The following MRPL35 variants were observed in gnomAD, a reference collection of about 807,000 sequenced individuals.
MRPL35 encodes large ribosomal subunit protein bL35m.
Under a neutral mutation model 21.6 loss-of-function variants are expected in MRPL35, and 18 were observed. The ratio of observed to expected loss-of-function variants is 0.83; its 90% CI spans 0.58 to 1.24. MRPL35 has a LOEUF of 1.24. MRPL35 is among the 50% of genes most tolerant of loss of function. The probability of loss-of-function intolerance (pLI) is 0.00; values close to 1 mark genes in which losing one functional copy is unlikely to be tolerated. For synonymous variants in MRPL35, 87 were observed against 86.9 expected (o/e 1.00, Z -0.01); for missense variants, 223 against 223.2 (o/e 1.00, Z 0.01).
At position 86,211,474 on chromosome 2, in the gene MRPL35, A is replaced by G; in HGVS notation, c.*806A>G. The G allele has an allele frequency of 1.0e-6, 1 of 985,404 alleles. No individual in the cohort carries two copies. The highest frequency in any genetic ancestry group is 1.2e-6 in the Non-Finnish European group (1 of 829,928). 61.0% of individuals were successfully genotyped at this position (985,404 alleles called of 1,614,324 possible). Reference sequence around the variant, plus strand: ...AAAAAACAGTTATGTGAGCAGTTTCACTTGGAGGTTCACATGGGGTGGCAG... The same window carrying G: ...AAAAAACAGTTATGTGAGCAGTTTCGCTTGGAGGTTCACATGGGGTGGCAG... On this transcript the variant is annotated 3_prime_UTR_variant, in exon 4 of 4. Coordinates refer to ENST00000337109, the MANE Select transcript of MRPL35 (RefSeq NM_016622.4).
chr2:86,212,329 A>T lies in MRPL35; in HGVS notation c.*1661A>T. 6.4e-7 allele frequency: 1 copy of T among 1,568,224 alleles called. No individual in the cohort carries two copies. The highest frequency in any genetic ancestry group is 8.7e-7 in the Non-Finnish European group (1 of 1,148,818). On this transcript the variant is annotated 3_prime_UTR_variant, in exon 4 of 4. Coordinates refer to ENST00000337109, the MANE Select transcript of MRPL35 (RefSeq NM_016622.4). The stretch of plus-strand genomic sequence containing the variant: ...GTGCGTGTCTACTTATGGGACCAAT[A>T]AATAAAGAACAGACATTTGATTTGA...
chr2:86,213,462 A>C lies in MRPL35; in HGVS notation c.*2794A>C. On this transcript the variant is annotated 3_prime_UTR_variant, in exon 4 of 4. Coordinates refer to ENST00000337109, the MANE Select transcript of MRPL35 (RefSeq NM_016622.4). ...GTCAAACATAGAATACAGGACTAAA[A>C]ATGCAAAGAAATTGGGTCTGTGTTT... is the stretch of plus-strand genomic sequence containing the variant. 1 of 1,331,888 alleles carries C rather than the reference A, an allele frequency of 7.5e-7. No homozygotes were observed. Among genetic ancestry groups the C allele is most frequent in the South Asian group, 2.2e-5 (1 of 44,492 alleles). The allele number at this position is 1,331,888 out of a possible 1,614,324, so 82.5% of individuals were successfully genotyped here. A position where few individuals can be genotyped will look rare whatever the true frequency, so the allele number is the denominator to read the frequency against.
Position 86,212,683 on chromosome 2 carries a change from A to T in MRPL35, c.*2015A>T, listed in dbSNP as rs553361073. 8.1e-7 allele frequency: 1 copy of T among 1,231,862 alleles called. No individual in the cohort carries two copies. The highest frequency in any genetic ancestry group is 4.2e-5 in the Admixed American group (1 of 23,592). 76.3% of individuals were successfully genotyped at this position (1,231,862 alleles called of 1,614,324 possible). A position where few individuals can be genotyped will look rare whatever the true frequency, so the allele number is the denominator to read the frequency against. ...GATAAGGACTGGCAACCAGAGCCTC[A>T]GCATCCAAAGATGGACTGAAGTGGG... On this transcript the variant is annotated 3_prime_UTR_variant, in exon 4 of 4. Transcript: ENST00000337109.
At position 86,211,563 on chromosome 2, in the gene MRPL35, C is replaced by T. The variant is rs755738209; in HGVS notation, c.*895C>T. The T allele has an allele frequency of 4.0e-5, 39 of 985,312 alleles. No homozygotes were observed. The highest frequency in any genetic ancestry group is 7.0e-5 in the African/African-American group (4 of 57,250). 61.0% of individuals were successfully genotyped at this position (985,312 alleles called of 1,614,324 possible). ...TAACACTTGTCATTTACTGTAACAA[C>T]ATTTTTTCATAGGAGAGTAAATAGC... is the stretch of plus-strand genomic sequence containing the variant. On this transcript the variant is annotated 3_prime_UTR_variant, in exon 4 of 4. Transcript: ENST00000337109.
At chr2:86,200,543 C>G (rs1468446569) in intron 1 of MRPL35, among the ~76,000 whole-genome samples, 2 of 152,184 alleles carry the variant, frequency 1.3e-5, no homozygotes, top group Non-Finnish European at 2.9e-5. Context: ...ATGTGCATCT[C>G]AAGAACATAG....
At position 86,205,591 on chromosome 2, in the gene MRPL35, C is replaced by CT. The variant is rs1673772908; in HGVS notation, c.44-513dup. On this transcript the variant is annotated intron_variant, in intron 1 of 3. Coordinates refer to ENST00000337109, the MANE Select transcript of MRPL35 (RefSeq NM_016622.4). ...ATTTGTTTCAGTCCCCATGCCTTTGCTTATGTTGTTCGTCCTACCTGAAAT... is the reference window on the plus strand; with the variant it reads ...ATTTGTTTCAGTCCCCATGCCTTTGCTTTATGTTGTTCGTCCTACCTGAAAT... Among the ~76,000 whole-genome samples, 3 of 152,204 alleles carry CT rather than the reference C, an allele frequency of 2.0e-5. 1 individual carries two copies. Among genetic ancestry groups the CT allele is most frequent in the Non-Finnish European group, 4.4e-5 (3 of 68,032 alleles).
upstream of MRPL35, chr2:86,199,456 T>G (rs771104573): frequency 1.2e-6 from 2 of 1,613,762 alleles, no homozygotes; most frequent in Admixed American, 1.7e-5. Context: ...CTTGTGCTTT[T>G]AAACCCAAAG....
chr2:86,201,818 C>T (rs1323631113), intron 1 of MRPL35, among the ~76,000 whole-genome samples: 5 of 152,164 alleles, frequency 3.3e-5, no homozygotes, highest in African/African-American at 1.2e-4. Context: ...TCCTCCACTC[C>T]CATCCAGTGC....
In MRPL35 at chr2:86,211,143, G is replaced by A; in HGVS notation, c.*475G>A. The stretch of plus-strand genomic sequence containing the variant: ...GGGGAAGGTGGATGTTTAGGCTTGG[G>A]CTCTGCATGCATGTGACTTGCTTCT... On this transcript the variant is annotated 3_prime_UTR_variant, in exon 4 of 4. Transcript: ENST00000337109. 4.1e-6 allele frequency: 4 copies of A among 986,474 alleles called. No homozygotes were observed. Among genetic ancestry groups the A allele is most frequent in the Non-Finnish European group, 4.8e-6 (4 of 830,668 alleles). The allele number at this position is 986,474 out of a possible 1,614,324, so 61.1% of individuals were successfully genotyped here.
chr2:86,206,072 G>A lies in MRPL35; in HGVS notation c.44-34G>A, dbSNP rs372060340. On this transcript the variant is annotated intron_variant, in intron 1 of 3. Transcript: ENST00000337109. ...TTTTTAATATCTGGATGCATATTTTGGAGTATTAAATATATATGCTCCTAT... is the reference window on the plus strand; with the variant it reads ...TTTTTAATATCTGGATGCATATTTTAGAGTATTAAATATATATGCTCCTAT... 22 of 1,495,282 alleles carry A rather than the reference G, an allele frequency of 1.5e-5. No homozygotes were observed. The African/African-American group carries it at 1.9e-4, about 13-fold the overall frequency. 92.6% of individuals were successfully genotyped at this position (1,495,282 alleles called of 1,614,324 possible). A position where few individuals can be genotyped will look rare whatever the true frequency, so the allele number is the denominator to read the frequency against.
At chr2:86,199,822 A>G (rs1221651594) in intron 1 of MRPL35, among the ~76,000 whole-genome samples, 1 of 152,196 alleles carries the variant, frequency 6.6e-6, no homozygotes, top group Non-Finnish European at 1.5e-5. Context: ...GAAACCAAAA[A>G]GTCTCACCTA....
In MRPL35 at chr2:86,202,356, A is replaced by G. The variant is rs374303815; in HGVS notation, c.43+2823A>G. On this transcript the variant is annotated intron_variant, in intron 1 of 3. Coordinates refer to ENST00000337109, the MANE Select transcript of MRPL35 (RefSeq NM_016622.4). ...ACTCTGTGTCTTCACAAATACATTAACAAGCCATTGTTCCCAGCTTGCTTT... is the reference window on the plus strand; with the variant it reads ...ACTCTGTGTCTTCACAAATACATTAGCAAGCCATTGTTCCCAGCTTGCTTT... Among the ~76,000 whole-genome samples, 29 of 152,352 alleles carry G rather than the reference A, an allele frequency of 1.9e-4. 3 individuals carry two copies. The East Asian group carries it at 1.9e-3, about 10-fold the overall frequency.
chr2:86,210,191 C>T lies in MRPL35; in HGVS notation c.379-289C>T, dbSNP rs534991604. On this transcript the variant is annotated intron_variant, in intron 3 of 3. Coordinates refer to ENST00000337109, the MANE Select transcript of MRPL35 (RefSeq NM_016622.4). ...TAATTCTGTCATTATCTTGTACTTT[C>T]CCAGCCACACACATTTAGTTTTATT... Among the ~76,000 whole-genome samples, 535 of 152,236 alleles carry T rather than the reference C, an allele frequency of 3.5e-3. 4 individuals carry two copies. Among genetic ancestry groups the T allele is most frequent in the Middle Eastern group, 6.8e-3 (2 of 294 alleles).
chr2:86,210,902 TAAC>T lies in MRPL35; in HGVS notation c.*235_*237del. On this transcript the variant is annotated 3_prime_UTR_variant, in exon 4 of 4. Coordinates refer to ENST00000337109, the MANE Select transcript of MRPL35 (RefSeq NM_016622.4). The stretch of plus-strand genomic sequence containing the variant: ...TTATTTTTAACAAATGGTATTGGCT[TAAC>T]TAGTTGTTTCAGTTATGCTCTTTTA... 2.6e-6 allele frequency: 3 copies of T among 1,166,600 alleles called. No individual in the cohort carries two copies. The highest frequency in any genetic ancestry group is 3.2e-6 in the Non-Finnish European group (3 of 945,070). The allele number at this position is 1,166,600 out of a possible 1,614,324, so 72.3% of individuals were successfully genotyped here.
Position 86,207,189 on chromosome 2 carries a change from C to T in MRPL35, c.240C>T (p.Ala80=). Residue 80 remains alanine (A), a synonymous_variant, in exon 3 of 4, where the codon GCC becomes GCT. Coordinates refer to ENST00000337109, the MANE Select transcript of MRPL35 (RefSeq NM_016622.4). ...TTTTAAAATATATTTTTAGAATGGC[C>T]CCCGTGCTTCCAAGTGTCCTGAAGC... is the stretch of plus-strand genomic sequence containing the variant. ...GHTSVILNRM[A]PVLPSVLKLP... is the part of the protein sequence containing the mutation. 6.2e-7 allele frequency: 1 copy of T among 1,607,880 alleles called. No individual in the cohort carries two copies. The highest frequency in any genetic ancestry group is 8.5e-7 in the Non-Finnish European group (1 of 1,177,152).
chr2:86,210,887 C>A lies in MRPL35; in HGVS notation c.*219C>A, dbSNP rs1280572157. 2.4e-6 allele frequency: 3 copies of A among 1,231,080 alleles called. No homozygotes were observed. The African/African-American group carries it at 4.6e-5, about 19-fold the overall frequency. 76.3% of individuals were successfully genotyped at this position (1,231,080 alleles called of 1,614,324 possible). On this transcript the variant is annotated 3_prime_UTR_variant, in exon 4 of 4. Transcript: ENST00000337109. ...ATTTAGAATGGTGCATTATTTTTAA[C>A]AAATGGTATTGGCTTAACTAGTTGT...
At chr2:86,208,549 C>T (rs1313577471) in intron 3 of MRPL35, among the ~76,000 whole-genome samples, 6 of 152,188 alleles carry the variant, frequency 3.9e-5, no homozygotes, top group African/African-American at 1.4e-4. Context: ...TTAAGTGATC[C>T]ACCTGTCTCG....
At chr2:86,208,189 C>T (rs1673839386) in intron 3 of MRPL35, among the ~76,000 whole-genome samples, 1 of 152,152 alleles carries the variant, frequency 6.6e-6, no homozygotes, top group Admixed American at 6.5e-5. Flanking sequence ...TAGTTTCCTA[C>T]ACCAGTCAGC....
Position 86,208,008 on chromosome 2 carries a change from A to G in MRPL35, c.378+681A>G, listed in dbSNP as rs946848913. ...TTCCCTTTCATTACTTGGAAATTAA[A>G]TCTTTAAAAATCAAAATTTGGTTCC... On this transcript the variant is annotated intron_variant, in intron 3 of 3. Transcript: ENST00000337109. Among the ~76,000 whole-genome samples, 2 of 152,256 alleles carry G rather than the reference A, an allele frequency of 1.3e-5. 1 individual carries two copies. Among genetic ancestry groups the G allele is most frequent in the Non-Finnish European group, 2.9e-5 (2 of 68,044 alleles).
Sources: allele counts gnomAD v4.1 joint callset (sites outside exome capture counted in the v4.1 genomes callset), GRCh38; gene constraint gnomAD v4.1.1; transcripts MANE v1.5; gene names NCBI Gene and HGNC (gene_info 2026-07-23, HGNC 2026-07-21).